The following RPS6KA5 variants were observed in gnomAD, a reference collection of about 807,000 sequenced individuals.
The protein encoded by RPS6KA5 is ribosomal protein S6 kinase A5, also known as ribosomal protein S6 kinase alpha-5.
A neutral mutation model predicts 85.5 loss-of-function variants in RPS6KA5; 27 were observed. That is an observed-to-expected ratio of 0.32 (90% CI 0.23 to 0.44). RPS6KA5 has a LOEUF of 0.44. Ranked by LOEUF, RPS6KA5 falls within the 20% of genes least tolerant of loss-of-function variation. The probability of loss-of-function intolerance (pLI) is 1.00; values close to 1 mark genes in which losing one functional copy is unlikely to be tolerated. For synonymous variants in RPS6KA5, 334 were observed against 348.2 expected (o/e 0.96, Z 0.46); for missense variants, 811 against 980.9 (o/e 0.83, Z 2.31).
rs1186091548 is a variant in RPS6KA5, at chr14:90,856,690, A to G, written c.*15384T>C. 6.6e-6 allele frequency: 1 copy of G among 152,236 alleles called. No individual in the cohort carries two copies. Among genetic ancestry groups the G allele is most frequent in the African/African-American group, 2.4e-5 (1 of 41,442 alleles). 9.4% of individuals were successfully genotyped at this position (152,236 alleles called of 1,614,324 possible). On this transcript the variant is annotated 3_prime_UTR_variant, in exon 17 of 17. Coordinates refer to ENST00000614987, the MANE Select transcript of RPS6KA5 (RefSeq NM_004755.4). ...TGTGTGATTTTTTAAAATATAAGAT[A>G]AAATTCATTTTAAGTGTACCATTCA...
In RPS6KA5 at chr14:90,983,840, T is replaced by TC. The variant is rs71117393; in HGVS notation, c.176-5317_176-5316insG. 4.0e-3 allele frequency among the ~76,000 whole-genome samples: 536 copies of TC among 135,094 alleles called. 8 individuals are homozygous for TC. Among genetic ancestry groups the TC allele is most frequent in the South Asian group, 6.5e-3 (26 of 4,026 alleles). The allele number at this position is 135,094 out of a possible 152,430, so 88.6% of individuals were successfully genotyped here. ...CTGTCTCTCTCTCTCTCTCTCTCTC[T>TC]TTCTTTTTTTCTTTCTTTCTTTCTG... On this transcript the variant is annotated intron_variant, in intron 2 of 16. Coordinates refer to ENST00000614987, the MANE Select transcript of RPS6KA5 (RefSeq NM_004755.4).
At chr14:90,893,937 C>G (rs371956494) in intron 13 of RPS6KA5, 1 of 786,968 alleles carries the variant, frequency 1.3e-6, no homozygotes, top group African/African-American at 1.9e-5. Context: ...CATAGAAAGA[C>G]GGCATAACTA....
intron 3 of RPS6KA5, among the ~76,000 whole-genome samples, chr14:90,966,790 C>A (rs945020576): frequency 6.6e-6 from 1 of 152,070 alleles, no homozygotes; most frequent in Admixed American, 6.5e-5. Context: ...CTGCCGTAGC[C>A]ACATAAGTAT....
rs1487720312 is a variant in RPS6KA5 at position 90,901,172 on chromosome 14, T to G, written c.1120-436A>C. ...CAGGCTGGAGTGCAGTGGTGCGATC[T>G]TGGCTCACTGCAACTTCTGCCTCCT... is the stretch of plus-strand genomic sequence containing the variant. On this transcript the variant is annotated intron_variant, in intron 9 of 16. Coordinates refer to ENST00000614987, the MANE Select transcript of RPS6KA5 (RefSeq NM_004755.4). Among the ~76,000 whole-genome samples the G allele has an allele frequency of 2.6e-5, 4 of 152,264 alleles. No individual in the cohort carries two copies. The East Asian group carries it at 7.7e-4, about 29-fold the overall frequency.
At chr14:91,044,415 A>G (rs2042774358) in intron 1 of RPS6KA5, among the ~76,000 whole-genome samples, 1 of 98,910 alleles carries the variant, frequency 1.0e-5, no homozygotes, top group Non-Finnish European at 2.1e-5. Context: ...GAAAGAAAGA[A>G]AGAAAGAAAG....
intron 14 of RPS6KA5, among the ~76,000 whole-genome samples, chr14:90,879,541 C>T (rs1312572078): frequency 1.3e-5 from 2 of 152,110 alleles, no homozygotes; most frequent in South Asian, 2.1e-4. Context: ...TATGGGTGCA[C>T]GACCCACTTA....
intron 1 of RPS6KA5, among the ~76,000 whole-genome samples, chr14:91,034,107 G>A (rs1303044992): frequency 6.6e-6 from 1 of 151,730 alleles, no homozygotes; most frequent in Non-Finnish European, 1.5e-5. Flanking sequence ...CAGCATTAGA[G>A]ACCAGCCTGG....
intron 2 of RPS6KA5, among the ~76,000 whole-genome samples, chr14:90,982,483 A>T (rs2039838212): frequency 6.6e-6 from 1 of 152,170 alleles, no homozygotes; most frequent in African/African-American, 2.4e-5. Flanking sequence ...AAAAAAGATA[A>T]AACAATAGTA....
At chr14:91,057,915 G>A (rs2043389987) in intron 1 of RPS6KA5, among the ~76,000 whole-genome samples, 1 of 152,132 alleles carries the variant, frequency 6.6e-6, no homozygotes, top group South Asian at 2.1e-4. Flanking sequence ...TGCAGAGACG[G>A]GATTTAGAAT....
intron 2 of RPS6KA5, among the ~76,000 whole-genome samples, chr14:90,980,481 G>A (rs932713701): frequency 4.6e-5 from 7 of 152,230 alleles, no homozygotes; most frequent in African/African-American, 1.7e-4. Flanking sequence ...TGTTGACCAT[G>A]TGACACACAG....
At position 91,035,865 on chromosome 14, in the gene RPS6KA5, A is replaced by C. The variant is rs1249425726; in HGVS notation, c.103+24467T>G. Among the ~76,000 whole-genome samples the C allele has an allele frequency of 1.9e-4, 28 of 148,822 alleles. 2 individuals carry two copies. The highest frequency in any genetic ancestry group is 6.9e-4 in the African/African-American group (28 of 40,536). On this transcript the variant is annotated intron_variant, in intron 1 of 16. Transcript: ENST00000614987. ...TCACCTTCAAAAAAAAAAAAAAAAA[A>C]AAAAAAAAAAAAAAAACCCCAAAGC...
intron 1 of RPS6KA5, among the ~76,000 whole-genome samples, chr14:91,003,467 T>C (rs2040871234): frequency 6.6e-6 from 1 of 152,202 alleles, no homozygotes; most frequent in Non-Finnish European, 1.5e-5. Context: ...TTTTTGTTCA[T>C]AATCTACTAC....
At chr14:90,944,442 C>A (rs1314508021) in intron 4 of RPS6KA5, among the ~76,000 whole-genome samples, 1 of 151,774 alleles carries the variant, frequency 6.6e-6, no homozygotes, top group East Asian at 1.9e-4. Flanking sequence ...ACAGTGAGAC[C>A]CATCTCTACA....
At position 90,850,166 on chromosome 14, in the gene RPS6KA5, C is replaced by T. The variant is rs956837467; in HGVS notation, c.*21908G>A. 5 of 152,174 alleles carry T rather than the reference C, an allele frequency of 3.3e-5. No individual in the cohort carries two copies. The highest frequency in any genetic ancestry group is 6.5e-5 in the Admixed American group (1 of 15,274). 9.4% of individuals were successfully genotyped at this position (152,174 alleles called of 1,614,324 possible). A position where few individuals can be genotyped will look rare whatever the true frequency, so the allele number is the denominator to read the frequency against. ...AACCTCAATTCTTTCCTCTGGGATC[C>T]CGTCAGCTTCTCCTTCCCCAGAGGT... On this transcript the variant is annotated 3_prime_UTR_variant, in exon 17 of 17. Coordinates refer to ENST00000614987, the MANE Select transcript of RPS6KA5 (RefSeq NM_004755.4).
chr14:90,879,644 G>A (rs190708599), intron 14 of RPS6KA5, among the ~76,000 whole-genome samples: 13 of 152,282 alleles, frequency 8.5e-5, no homozygotes, highest in African/African-American at 3.1e-4. Flanking sequence ...CAGCCCAGTA[G>A]CACATGCTCT....
At chr14:91,037,244 G>A (rs750460959) in intron 1 of RPS6KA5, among the ~76,000 whole-genome samples, 35 of 152,146 alleles carry the variant, frequency 2.3e-4, no homozygotes, top group Non-Finnish European at 3.8e-4. Flanking sequence ...AGAGATGAAG[G>A]TCTGAATCAT....
At chr14:91,020,456 T>A (rs1224138765) in intron 1 of RPS6KA5, among the ~76,000 whole-genome samples, 2 of 152,060 alleles carry the variant, frequency 1.3e-5, no homozygotes, top group Admixed American at 6.6e-5. Flanking sequence ...CCAATTTATA[T>A]AAGGGACTTG....
chr14:90,890,438 G>T, intron 14 of RPS6KA5, 49 bp downstream of exon 14: 1 of 1,471,520 alleles, frequency 6.8e-7, no homozygotes, highest in Non-Finnish European at 9.2e-7. Flanking sequence ...AAGGAGAGAG[G>T]ACACCAAAGA....
intron 1 of RPS6KA5, among the ~76,000 whole-genome samples, chr14:91,057,115 G>A (rs893822671): frequency 2.6e-5 from 4 of 151,558 alleles, no homozygotes; most frequent in Non-Finnish European, 5.9e-5. Flanking sequence ...TCTTGACCTC[G>A]TGATCCACCC....
Sources: gnomAD v4.1 joint callset for allele counts (sites outside exome capture counted in the v4.1 genomes callset) on GRCh38, gnomAD v4.1.1 for gene constraint, MANE v1.5 for transcripts, NCBI Gene and HGNC (gene_info 2026-07-23, HGNC 2026-07-21) for gene names.